The following XIRP2 variants were observed in gnomAD, a reference collection of about 807,000 sequenced individuals.
The protein encoded by XIRP2 is xin actin binding repeat containing 2.
Under a neutral mutation model 277.0 loss-of-function variants are expected in XIRP2, and 236 were observed. The ratio of observed to expected loss-of-function variants is 0.85; its 90% CI spans 0.77 to 0.95. The LOEUF is 0.95. Ranked by LOEUF, XIRP2 falls within the 40% of genes least tolerant of loss-of-function variation. XIRP2 has a pLI of 0.00. For missense variants in XIRP2, 4,640 were observed against 4,157.5 expected, an observed-to-expected ratio of 1.12 and a Z score of -3.19; for synonymous variants, 1,490 against 1,416.5, an observed-to-expected ratio of 1.05 and a Z score of -1.17.
intron 2 of XIRP2, among the ~76,000 whole-genome samples, chr2:167,028,175 C>G (rs1688228211): frequency 6.6e-6 from 1 of 151,998 alleles, no homozygotes. Flanking sequence ...AATATTTACT[C>G]TAAGCCAGGC....
intron 2 of XIRP2, among the ~76,000 whole-genome samples, chr2:167,082,977 G>A (rs1050794827): frequency 2.0e-5 from 3 of 152,276 alleles, no homozygotes; most frequent in East Asian, 1.9e-4. Flanking sequence ...TTTGTCATTT[G>A]TTGCCATTGC....
intron 2 of XIRP2, among the ~76,000 whole-genome samples, chr2:166,928,198 C>T (rs1246041448): frequency 6.6e-6 from 1 of 152,006 alleles, no homozygotes; most frequent in Non-Finnish European, 1.5e-5. Flanking sequence ...GTTGGCTATT[C>T]CTAAAACCAA....
intron 2 of XIRP2, among the ~76,000 whole-genome samples, chr2:167,014,590 CAT>C (rs1179585400): frequency 1.3e-5 from 2 of 151,362 alleles, no homozygotes; most frequent in Admixed American, 6.6e-5. Context: ...AAAGATGAAA[CAT>C]AGAGCAACCC....
In XIRP2 at chr2:167,063,938, G is replaced by T. The variant is rs186581709; in HGVS notation, c.409-71971G>T. Among the ~76,000 whole-genome samples the T allele has an allele frequency of 3.0e-3, 452 of 151,298 alleles. 1 individual carries two copies. The highest frequency in any genetic ancestry group is 0.01 in the African/African-American group (433 of 41,420). ...TCACACAGTCTAAATATCTATATTA[G>T]TATAATATCTACATTTAGTGTACTA... On this transcript the variant is annotated intron_variant, in intron 2 of 10. Transcript: ENST00000409195.
chr2:167,120,287 G>T (rs756851879), intron 2 of XIRP2, among the ~76,000 whole-genome samples: 3 of 152,114 alleles, frequency 2.0e-5, no homozygotes, highest in African/African-American at 7.2e-5. Flanking sequence ...CAGCATAGTC[G>T]CCATGGAGGA....
intron 2 of XIRP2, among the ~76,000 whole-genome samples, chr2:166,940,519 A>G (rs1195900739): frequency 6.6e-6 from 1 of 151,772 alleles, no homozygotes; most frequent in Non-Finnish European, 1.5e-5. Context: ...GTGGAGAGTC[A>G]CTCTGATTTT....
intron 3 of XIRP2, among the ~76,000 whole-genome samples, chr2:167,152,891 C>A (rs969872189): frequency 6.6e-6 from 1 of 152,104 alleles, no homozygotes; most frequent in Non-Finnish European, 1.5e-5. Flanking sequence ...TGGTTCTGTA[C>A]CACAGGCATT....
intron 3 of XIRP2, among the ~76,000 whole-genome samples, chr2:167,151,229 G>GT (rs1692006721): frequency 6.6e-6 from 1 of 152,112 alleles, no homozygotes; most frequent in Non-Finnish European, 1.5e-5. Context: ...ATAGGATGCA[G>GT]TTCAGGTATC....
intron 2 of XIRP2, among the ~76,000 whole-genome samples, chr2:166,974,511 A>G (rs1174718388): frequency 6.6e-6 from 1 of 152,036 alleles, no homozygotes; most frequent in Non-Finnish European, 1.5e-5. Flanking sequence ...ATATATACAT[A>G]TATATATCTG....
At chr2:167,172,001 C>A (rs144296083) in intron 3 of XIRP2, among the ~76,000 whole-genome samples, 61 of 152,216 alleles carry the variant, frequency 4.0e-4, no homozygotes, top group African/African-American at 1.4e-3. Context: ...GCATGCGATG[C>A]GTAGTAATCA....
At chr2:167,130,602 T>C (rs1489138052) in intron 2 of XIRP2, among the ~76,000 whole-genome samples, 1 of 152,152 alleles carries the variant, frequency 6.6e-6, no homozygotes, top group Admixed American at 6.6e-5. Flanking sequence ...TTCTTTAGTT[T>C]CACCAAGATC....
intron 2 of XIRP2, among the ~76,000 whole-genome samples, chr2:166,964,770 A>G (rs1686386280): frequency 2.0e-5 from 3 of 151,848 alleles, no homozygotes; most frequent in African/African-American, 7.2e-5. Flanking sequence ...TTTTTAAGTA[A>G]TTTAAGTTTA....
At chr2:167,108,754 G>C (rs1270274996) in intron 2 of XIRP2, among the ~76,000 whole-genome samples, 1 of 151,432 alleles carries the variant, frequency 6.6e-6, no homozygotes, top group Non-Finnish European at 1.5e-5. Context: ...TCTTTAAAAT[G>C]TACACTCTTT....
intron 2 of XIRP2, among the ~76,000 whole-genome samples, chr2:166,922,901 C>T (rs1685092768): frequency 6.7e-6 from 1 of 148,796 alleles, no homozygotes; most frequent in African/African-American, 2.5e-5. Flanking sequence ...TTCTAGTACT[C>T]AGAGTGAAAC....
At chr2:167,168,201 T>C (rs1204892944) in intron 3 of XIRP2, among the ~76,000 whole-genome samples, 1 of 152,226 alleles carries the variant, frequency 6.6e-6, no homozygotes, top group African/African-American at 2.4e-5. Context: ...TTAAAAATAA[T>C]ATGACTACGT....
intron 2 of XIRP2, among the ~76,000 whole-genome samples, chr2:167,013,575 C>T (rs894492668): frequency 6.6e-6 from 1 of 150,774 alleles, no homozygotes; most frequent in African/African-American, 2.4e-5. Flanking sequence ...TATAGAAGTC[C>T]TAAAATAATA....
At chr2:167,256,158 T>C (rs1273708547) in intron 10 of XIRP2, among the ~76,000 whole-genome samples, 1 of 151,688 alleles carries the variant, frequency 6.6e-6, no homozygotes, top group Non-Finnish European at 1.5e-5. Flanking sequence ...TGCTTTTTTG[T>C]ATCAAGAAAG....
intron 2 of XIRP2, among the ~76,000 whole-genome samples, chr2:166,921,130 T>C (rs997873965): frequency 2.6e-5 from 4 of 152,068 alleles, no homozygotes; most frequent in Admixed American, 2.6e-4. Flanking sequence ...GCATCTCTGC[T>C]TTCACCCCAA....
rs552320008 is a variant in XIRP2 at position 166,936,776 on chromosome 2, C to G, written c.408+32886C>G. On this transcript the variant is annotated intron_variant, in intron 2 of 10. Transcript: ENST00000409195. Reference sequence around the variant, plus strand: ...TGTTCTGTTCCATTGATCTATATCTCTGTTTTGGTACCAGTACCATGCTGT... The same window carrying G: ...TGTTCTGTTCCATTGATCTATATCTGTGTTTTGGTACCAGTACCATGCTGT... 4.5e-4 allele frequency among the ~76,000 whole-genome samples: 69 copies of G among 152,182 alleles called. 1 individual carries two copies. Among genetic ancestry groups the G allele is most frequent in the African/African-American group, 1.6e-3 (65 of 41,520 alleles).
Sources: allele counts gnomAD v4.1 joint callset (sites outside exome capture counted in the v4.1 genomes callset), GRCh38; gene constraint gnomAD v4.1.1; transcripts MANE v1.5; gene names NCBI Gene and HGNC (gene_info 2026-07-23, HGNC 2026-07-21).